Variants in ABI1 observed in about 807,000 individuals in gnomAD.
ABI1 encodes the protein Abelson interactor 1.
A neutral mutation model predicts 54.6 loss-of-function variants in ABI1; 14 were observed. The ratio of observed to expected loss-of-function variants is 0.26; its 90% CI spans 0.17 to 0.40. The LOEUF is 0.40. Among genes scored for constraint, ABI1 ranks in the 10% least tolerant of loss-of-function variants. ABI1 has a pLI of 1.00. For missense variants in ABI1, 443 were observed against 598.3 expected (o/e 0.74, Z 2.71); for synonymous variants, 194 against 209.3 (o/e 0.93, Z 0.63).
chr10:26,768,739 T>G, intron 6 of ABI1, 113 bp downstream of exon 6: 2 of 771,798 alleles, frequency 2.6e-6, no homozygotes, highest in Non-Finnish European at 4.0e-6. Flanking sequence ...CTTTTACATT[T>G]TATATTAGCA....
intron 2 of ABI1, among the ~76,000 whole-genome samples, chr10:26,801,800 C>G (rs2046581071): frequency 6.6e-6 from 1 of 152,192 alleles, no homozygotes; most frequent in Admixed American, 6.5e-5. Context: ...ACTCTAACAT[C>G]CTTCCCTGTT....
chr10:26,760,332 C>A (rs1023751672), intron 7 of ABI1, among the ~76,000 whole-genome samples: 1 of 152,092 alleles, frequency 6.6e-6, no homozygotes, highest in African/African-American at 2.4e-5. Context: ...AAAAAGCCAG[C>A]GTCCTAGTTT....
chr10:26,817,908 C>A (rs1372748250), intron 2 of ABI1, among the ~76,000 whole-genome samples: 1 of 151,938 alleles, frequency 6.6e-6, no homozygotes, highest in Non-Finnish European at 1.5e-5. Context: ...GTAATCCCAG[C>A]ACTTTGGGAG....
chr10:26,750,688 A>G (rs1224757263), intron 10 of ABI1, among the ~76,000 whole-genome samples: 2 of 152,144 alleles, frequency 1.3e-5, no homozygotes, highest in African/African-American at 2.4e-5. Context: ...ATTTTTCAGA[A>G]CTCTATAGAA....
Position 26,860,894 on chromosome 10 carries a change from GT to G in ABI1, c.-32del, listed in dbSNP as rs748101545. The G allele has an allele frequency of 3.8e-5, 60 of 1,597,718 alleles. No homozygotes were observed. The African/African-American group carries it at 7.8e-4, about 21-fold the overall frequency. Reference sequence around the variant, plus strand: ...ACCCCTCTGCATCGCTTCCTCTCGCGTTAAAGAGACAGAGGCAGCAAGGTCC... The same window carrying G: ...ACCCCTCTGCATCGCTTCCTCTCGCGTAAAGAGACAGAGGCAGCAAGGTCC... On this transcript the variant is annotated 5_prime_UTR_variant, in exon 1 of 11. Coordinates refer to ENST00000376140, the MANE Select transcript of ABI1 (RefSeq NM_001012750.3). This position sits in a 1 kb window ranked among gnomAD's most constrained non-coding sequence, Gnocchi z 4.1.
intron 1 of ABI1, among the ~76,000 whole-genome samples, chr10:26,841,646 C>CT (rs75765839): frequency 0.25 from 38,294 of 150,528 alleles, 5,524 homozygotes; most frequent in South Asian, 0.44. Context: ...ATATTTGACT[C>CT]TTTTTTTTTA....
chr10:26,767,835 T>A (rs891461839), intron 6 of ABI1, among the ~76,000 whole-genome samples: 10 of 151,958 alleles, frequency 6.6e-5, no homozygotes, highest in African/African-American at 2.4e-4. Flanking sequence ...TCACCTGAGG[T>A]CAGGAGTTAG....
intron 2 of ABI1, among the ~76,000 whole-genome samples, chr10:26,779,238 C>T (rs1053257098): frequency 6.6e-6 from 1 of 152,212 alleles, no homozygotes; most frequent in Admixed American, 6.5e-5. Flanking sequence ...ACATGTTGTC[C>T]AAATTGTATG....
At chr10:26,751,552 C>A (rs764270194) in intron 10 of ABI1, 46 bp downstream of exon 10, 2 of 1,565,274 alleles carry the variant, frequency 1.3e-6, no homozygotes, top group Non-Finnish European at 1.7e-6. Flanking sequence ...TAAATTTCTA[C>A]AATTAGGTTA....
At chr10:26,833,903 G>C (rs1301061828) in intron 1 of ABI1, among the ~76,000 whole-genome samples, 2 of 152,058 alleles carry the variant, frequency 1.3e-5, no homozygotes, top group Non-Finnish European at 2.9e-5. Context: ...AACTAGAAGA[G>C]ATCTAAATAG....
rs200148529 is a variant in ABI1, at chr10:26,751,736, G to A, written c.1132C>T (p.Pro378Ser). ...PPPPPPPDDI[P>S]MFDDSPPPPP... is the part of the protein sequence containing the mutation. ...GGAGGTGGAGAGTCATCAAACATGG[G>A]AATGTCATCTGGTGGAGGTGGTGGC... Residue 378 changes from proline to serine, a missense_variant, in exon 10 of 11, where the codon CCC (proline) becomes TCC (serine). Transcript: ENST00000376140. 14 of 1,613,618 alleles carry A rather than the reference G, an allele frequency of 8.7e-6. No individual in the cohort carries two copies. Among genetic ancestry groups the A allele is most frequent in the Middle Eastern group, 1.7e-4 (1 of 6,052 alleles).
rs1489574495 is a variant in ABI1 at position 26,770,495 on chromosome 10, T to G, written c.478-150A>C. On this transcript the variant is annotated intron_variant, in intron 4 of 10. Transcript: ENST00000376140. ...GACTTTGGTACTACAGTTTAAAAAG[T>G]CAAGGAACCACTTGCACTTGGTCTT... 3 of 839,734 alleles carry G rather than the reference T, an allele frequency of 3.6e-6. No homozygotes were observed. The Admixed American group carries it at 5.1e-5, about 14-fold the overall frequency. The allele number at this position is 839,734 out of a possible 1,614,324, so 52.0% of individuals were successfully genotyped here.
rs567563773 is a variant in ABI1, at chr10:26,829,735, A to AT, written c.118-6431dup. ...ACAAAATGTTTACATTTAAGACTTC[A>AT]TAACAATATTAAAAAGATAAAAACA... On this transcript the variant is annotated intron_variant, in intron 1 of 10. Coordinates refer to ENST00000376140, the MANE Select transcript of ABI1 (RefSeq NM_001012750.3). 3.3e-5 allele frequency among the ~76,000 whole-genome samples: 5 copies of AT among 152,334 alleles called. No homozygotes were observed. The South Asian group carries it at 1.0e-3, about 32-fold the overall frequency.
intron 4 of ABI1, chr10:26,770,592 T>G: frequency 1.5e-6 from 1 of 667,846 alleles, no homozygotes; most frequent in South Asian, 1.4e-5. Context: ...AATATCTTAT[T>G]TTATTGTTAA....
intron 2 of ABI1, among the ~76,000 whole-genome samples, chr10:26,808,998 G>A (rs1423380791): frequency 2.0e-5 from 3 of 151,844 alleles, no homozygotes; most frequent in Admixed American, 1.3e-4. Context: ...GGCCGGGCAC[G>A]GTGGCTCACG....
intron 1 of ABI1, among the ~76,000 whole-genome samples, chr10:26,828,276 C>T (rs2048438465): frequency 1.3e-5 from 2 of 152,110 alleles, no homozygotes; most frequent in Non-Finnish European, 2.9e-5. Context: ...GTTTGTGGTG[C>T]CCCAAAACGA....
intron 1 of ABI1, among the ~76,000 whole-genome samples, chr10:26,835,523 C>T (rs1344464986): frequency 6.6e-6 from 1 of 151,734 alleles, no homozygotes; most frequent in Non-Finnish European, 1.5e-5. Flanking sequence ...TGCAGTAAGC[C>T]ATGATCACAC....
intron 1 of ABI1, among the ~76,000 whole-genome samples, chr10:26,835,088 CAAAAAAAAAAA>C (rs201431383): frequency 2.2e-4 from 7 of 32,140 alleles, no homozygotes; most frequent in Non-Finnish European, 4.3e-4. Context: ...GATTCTACCT[CAAAAAAAAAAA>C]AAAAAAAAAA....
intron 3 of ABI1, among the ~76,000 whole-genome samples, chr10:26,773,146 G>A (rs1469127947): frequency 6.7e-6 from 1 of 148,570 alleles, no homozygotes; most frequent in Non-Finnish European, 1.5e-5. Context: ...AATTCCCTTT[G>A]ATTCCTCCCT....
Sources: gnomAD v4.1 joint callset for allele counts (sites outside exome capture counted in the v4.1 genomes callset) on GRCh38, gnomAD v4.1.1 for gene constraint, Gnocchi (gnomAD v3.1) non-coding constraint, MANE v1.5 for transcripts, NCBI Gene and HGNC (gene_info 2026-07-23, HGNC 2026-07-21) for gene names.